Variants in MID2 observed in about 807,000 individuals in gnomAD.
The protein encoded by MID2 is midline 2, also known as probable E3 ubiquitin-protein ligase MID2.
A neutral mutation model predicts 46.1 loss-of-function variants in MID2; 13 were observed. The ratio of observed to expected loss-of-function variants is 0.28; its 90% CI spans 0.18 to 0.45. MID2 has a LOEUF of 0.45. MID2 is among the 20% of genes least tolerant of loss of function. The pLI is 1.00. For synonymous variants in MID2, 199 were observed against 212.3 expected (o/e 0.94, Z 0.55); for missense variants, 431 against 575.4 (o/e 0.75, Z 2.57).
chrX:107,836,563 T>C (rs1373849600), intron 1 of MID2, among the ~76,000 whole-genome samples: 1 of 111,126 alleles, frequency 9.0e-6, no homozygotes, highest in Non-Finnish European at 1.9e-5. Context: ...CTTTTTTTTT[T>C]TTTTAAATAA....
Position 107,835,296 on chromosome X carries a change from A to T in MID2, c.5-5374A>T, listed in dbSNP as rs1276970717. ...TTTGGGCTTTTCCCTTTTGGCTACT[A>T]TGAAGACTGCTGCTATGAACATTTG... On this transcript the variant is annotated intron_variant, in intron 1 of 9. Transcript: ENST00000262843. Among the ~76,000 whole-genome samples, 28 of 112,277 alleles carry T rather than the reference A, an allele frequency of 2.5e-4. No homozygotes were observed. The Admixed American group carries it at 2.6e-3, about 11-fold the overall frequency.
At position 107,842,480 on chromosome X, in the gene MID2, G is replaced by C. The variant is rs930795097; in HGVS notation, c.720+1095G>C. Among the ~76,000 whole-genome samples, 12 of 112,161 alleles carry C rather than the reference G, an allele frequency of 1.1e-4. No homozygotes were observed. In the East Asian group the frequency reaches 3.3e-3, roughly 31 times the overall value. ...CAAGCTAGAAGAAAGACCCAGATAG[G>C]ATAAAAGGAGGGCAAGAAGGGAATG... On this transcript the variant is annotated intron_variant, in intron 2 of 9. Transcript: ENST00000262843.
At chrX:107,834,806 A>G (rs1931170925) in intron 1 of MID2, among the ~76,000 whole-genome samples, 1 of 111,920 alleles carries the variant, frequency 8.9e-6, no homozygotes, top group African/African-American at 3.2e-5. Context: ...AGTATAGTAT[A>G]GTGATTTGCT....
intron 3 of MID2, among the ~76,000 whole-genome samples, chrX:107,873,175 A>G (rs1470467408): frequency 9.0e-6 from 1 of 111,407 alleles, no homozygotes; most frequent in Middle Eastern, 4.2e-3. Flanking sequence ...TAGTACTTTT[A>G]TCACCTCAGA....
intron 3 of MID2, among the ~76,000 whole-genome samples, chrX:107,897,796 A>G (rs763427876): frequency 3.7e-4 from 42 of 112,013 alleles, no homozygotes; most frequent in Non-Finnish European, 7.1e-4. Flanking sequence ...GCCACAGCAA[A>G]TGCTATGTCT....
intron 4 of MID2, 91 bp from the exon 5 acceptor site, chrX:107,905,387 T>C (rs377620040): frequency 1.3e-6 from 1 of 747,466 alleles, no homozygotes; most frequent in Non-Finnish European, 2.0e-6. Flanking sequence ...TTAGAATCAC[T>C]GCAGCATGCC....
chrX:107,834,493 G>C (rs1437540321), intron 1 of MID2, among the ~76,000 whole-genome samples: 6 of 112,320 alleles, frequency 5.3e-5, no homozygotes, highest in African/African-American at 1.9e-4. Flanking sequence ...ACTCTGTATA[G>C]ATTAGTGATT....
At chrX:107,897,589 C>T (rs1353063190) in intron 3 of MID2, among the ~76,000 whole-genome samples, 6 of 111,618 alleles carry the variant, frequency 5.4e-5, no homozygotes, top group Non-Finnish European at 1.1e-4. Context: ...AGAAGATTGT[C>T]TCTTCTTCCT....
At chrX:107,893,193 A>G (rs1932641371) in intron 3 of MID2, among the ~76,000 whole-genome samples, 1 of 112,556 alleles carries the variant, frequency 8.9e-6, no homozygotes, top group Non-Finnish European at 1.9e-5. Flanking sequence ...TCTCCCATAA[A>G]CATTATAAAA....
intron 2 of MID2, among the ~76,000 whole-genome samples, chrX:107,846,069 G>A (rs1013225219): frequency 9.0e-6 from 1 of 111,328 alleles, no homozygotes; most frequent in African/African-American, 3.3e-5. Context: ...AGATGTGAGA[G>A]TGTGTAAATC....
intron 1 of MID2, among the ~76,000 whole-genome samples, chrX:107,826,687 G>A (rs921883798): frequency 1.8e-5 from 2 of 113,127 alleles, no homozygotes; most frequent in Admixed American, 1.8e-4. Flanking sequence ...TTTGCACTCC[G>A]GGGTGCGGGG....
At chrX:107,908,257 C>A (rs753293590) in intron 5 of MID2, among the ~76,000 whole-genome samples, 1 of 111,936 alleles carries the variant, frequency 8.9e-6, no homozygotes, top group Non-Finnish European at 1.9e-5. Flanking sequence ...TTTTTTTCTG[C>A]CACTACTTCT....
chrX:107,842,828 C>T (rs757450144), intron 2 of MID2, among the ~76,000 whole-genome samples: 1 of 111,799 alleles, frequency 8.9e-6, no homozygotes, highest in South Asian at 3.7e-4. Context: ...TTGGTCTAGT[C>T]GAAGCGCTCT....
chrX:107,843,899 A>G (rs1931402492), intron 2 of MID2, among the ~76,000 whole-genome samples: 1 of 109,954 alleles, frequency 9.1e-6, no homozygotes, highest in Admixed American at 9.9e-5. Flanking sequence ...CTGCCTGAGT[A>G]TATTCCCCTG....
intron 7 of MID2, among the ~76,000 whole-genome samples, chrX:107,922,403 G>T (rs1290439066): frequency 8.9e-6 from 1 of 112,225 alleles, no homozygotes. Context: ...ATGCAGTTGG[G>T]TTTGTTTCAG....
chrX:107,847,878 G>T (rs1321042777), intron 2 of MID2, among the ~76,000 whole-genome samples: 2 of 111,088 alleles, frequency 1.8e-5, no homozygotes, highest in Non-Finnish European at 3.8e-5. Context: ...AACATAGGAG[G>T]AATAGCAAGA....
At chrX:107,843,760 G>T (rs1368555010) in intron 2 of MID2, among the ~76,000 whole-genome samples, 1 of 110,652 alleles carries the variant, frequency 9.0e-6, no homozygotes. Context: ...CTGACTTTTA[G>T]TGTCACATAT....
intron 7 of MID2, among the ~76,000 whole-genome samples, chrX:107,918,782 G>A (rs1175556722): frequency 8.9e-6 from 1 of 112,244 alleles, no homozygotes; most frequent in East Asian, 2.8e-4. Context: ...GAAAGTCTTA[G>A]CGCCAACAAC....
At chrX:107,856,844 A>G (rs1389379224) in intron 3 of MID2, among the ~76,000 whole-genome samples, 2 of 112,393 alleles carry the variant, frequency 1.8e-5, no homozygotes, top group Non-Finnish European at 3.8e-5. Flanking sequence ...TAGCCCATAC[A>G]GTAGATATTC....
Sources: allele counts gnomAD v4.1 joint callset (sites outside exome capture counted in the v4.1 genomes callset), GRCh38; gene constraint gnomAD v4.1.1; transcripts MANE v1.5; gene names NCBI Gene and HGNC (gene_info 2026-07-23, HGNC 2026-07-21).